Variants in PITPNM2 observed in about 807,000 individuals in gnomAD.
PITPNM2 encodes the protein membrane-associated phosphatidylinositol transfer protein 2.
PITPNM2 carries 35 observed loss-of-function variants against 132.2 expected under a neutral mutation model. The observed-to-expected ratio is 0.26, with a 90% confidence interval of 0.20 to 0.35. PITPNM2 has a LOEUF of 0.35. Among genes scored for constraint, PITPNM2 ranks in the 10% least tolerant of loss-of-function variants. The probability of loss-of-function intolerance (pLI) is 1.00; values close to 1 mark genes in which losing one functional copy is unlikely to be tolerated. For missense variants in PITPNM2, 1,332 were observed against 1,912.0 expected, an observed-to-expected ratio of 0.70 and a Z score of 5.66; for synonymous variants, 738 against 799.2, an observed-to-expected ratio of 0.92 and a Z score of 1.29.
intron 2 of PITPNM2, among the ~76,000 whole-genome samples, chr12:123,051,586 T>A (rs1409420704): frequency 1.3e-5 from 2 of 152,252 alleles, no homozygotes; most frequent in Non-Finnish European, 2.9e-5. Context: ...GTTATTTTAT[T>A]GGCTATGCTT....
intron 2 of PITPNM2, among the ~76,000 whole-genome samples, chr12:123,068,215 C>T (rs185223817): frequency 0.011 from 1,626 of 152,256 alleles, 24 homozygotes; most frequent in African/African-American, 0.037. Flanking sequence ...CGCCTGTAAT[C>T]CCAGCACTTT....
intron 2 of PITPNM2, among the ~76,000 whole-genome samples, chr12:123,068,226 G>C (rs1296218868): frequency 6.6e-6 from 1 of 151,896 alleles, no homozygotes; most frequent in Non-Finnish European, 1.5e-5. Flanking sequence ...CCAGCACTTT[G>C]GGAGGCCAAG....
chr12:123,025,418 G>C (rs1245447474), intron 3 of PITPNM2, among the ~76,000 whole-genome samples: 4 of 151,776 alleles, frequency 2.6e-5, no homozygotes, highest in Non-Finnish European at 5.9e-5. Flanking sequence ...AGAGCTCCTG[G>C]AATGTGGACC....
At chr12:123,006,282 CTTTTG>C (rs2038931725) in intron 6 of PITPNM2, among the ~76,000 whole-genome samples, 2 of 151,704 alleles carry the variant, frequency 1.3e-5, no homozygotes, top group Non-Finnish European at 2.9e-5. Flanking sequence ...TTCTCCTTTT[CTTTTG>C]TTTTTTTAAA....
intron 3 of PITPNM2, among the ~76,000 whole-genome samples, chr12:123,025,139 G>C (rs1351147558): frequency 6.6e-6 from 1 of 152,204 alleles, no homozygotes; most frequent in Non-Finnish European, 1.5e-5. Flanking sequence ...TTTAAGCCGA[G>C]CATCTGTTTC....
chr12:123,096,595 G>C (rs946802814), intron 2 of PITPNM2, among the ~76,000 whole-genome samples: 9 of 152,176 alleles, frequency 5.9e-5, no homozygotes, highest in Non-Finnish European at 1.2e-4. Flanking sequence ...AAGGTGTGAG[G>C]AAGGAGCAGA....
At chr12:123,124,026 C>T (rs552663676) in intron 1 of PITPNM2, among the ~76,000 whole-genome samples, 81 of 152,118 alleles carry the variant, frequency 5.3e-4, no homozygotes, top group Non-Finnish European at 9.0e-4. Flanking sequence ...GAGGCCGACG[C>T]GGGCAGATCA....
At chr12:123,084,236 AC>A (rs2042046960) in intron 2 of PITPNM2, 1 of 152,282 alleles carries the variant, frequency 6.6e-6, no homozygotes, top group African/African-American at 2.4e-5. Flanking sequence ...AAACAGCTGT[AC>A]CTTTAAATTA....
Position 123,004,643 on chromosome 12 carries a change from G to A in PITPNM2, c.953-154C>T, listed in dbSNP as rs1393149251. 2.9e-6 allele frequency: 2 copies of A among 685,154 alleles called. No homozygotes were observed. Among genetic ancestry groups the A allele is most frequent in the Non-Finnish European group, 5.2e-6 (2 of 384,108 alleles). 42.4% of individuals were successfully genotyped at this position (685,154 alleles called of 1,614,324 possible). A position where few individuals can be genotyped will look rare whatever the true frequency, so the allele number is the denominator to read the frequency against. On this transcript the variant is annotated intron_variant, in intron 7 of 25. Coordinates refer to ENST00000320201, the MANE Select transcript of PITPNM2 (RefSeq NM_020845.3). The surrounding 1 kb of genome is among the most constrained non-coding windows in gnomAD (Gnocchi z 4.9). ...AGGAAGGTTCCGAAGAGAATGAAGT[G>A]TGTAAATGAGTGGGGAGCGGCCTAG...
intron 2 of PITPNM2, among the ~76,000 whole-genome samples, chr12:123,074,832 A>C (rs1160601909): frequency 6.6e-6 from 1 of 152,204 alleles, no homozygotes; most frequent in East Asian, 1.9e-4. Context: ...ACCAGGGAGG[A>C]AAAGAGGGAA....
At chr12:123,013,788 T>C (rs374431108) in intron 4 of PITPNM2, 40 bp downstream of exon 4, 3 of 1,592,438 alleles carry the variant, frequency 1.9e-6, no homozygotes, top group Non-Finnish European at 2.6e-6. Flanking sequence ...CCAGATGGCA[T>C]GTGGAGGTGG....
intron 3 of PITPNM2, among the ~76,000 whole-genome samples, chr12:123,015,338 CAAAT>C (rs1466089593): frequency 6.6e-6 from 1 of 150,740 alleles, no homozygotes; most frequent in Non-Finnish European, 1.5e-5. Context: ...ATAGGATAGA[CAAAT>C]AGATCAACAG....
At chr12:123,134,539 C>G (rs148023873) in intron 1 of PITPNM2, among the ~76,000 whole-genome samples, 1,966 of 152,284 alleles carry the variant, frequency 0.013, 19 homozygotes, top group Middle Eastern at 0.051. Context: ...ACACAAATGC[C>G]TCCTTCAAAC....
At chr12:123,007,469 T>C (rs1362443275) in intron 6 of PITPNM2, 1 of 452,348 alleles carries the variant, frequency 2.2e-6, no homozygotes, top group Non-Finnish European at 4.4e-6. Flanking sequence ...CCGCCTCCCC[T>C]AGAGCATGCT....
chr12:123,004,556 G>A lies in PITPNM2; in HGVS notation c.953-67C>T. 1 of 1,512,866 alleles carries A rather than the reference G, an allele frequency of 6.6e-7. No individual in the cohort carries two copies. The highest frequency in any genetic ancestry group is 9.1e-7 in the Non-Finnish European group (1 of 1,093,742). The allele number at this position is 1,512,866 out of a possible 1,614,324, so 93.7% of individuals were successfully genotyped here. ...AGGGCCCAGAGGCTGCCCTGAGCCG[G>A]CAGGAGGCAGGGAGGGCCACCCACA... On this transcript the variant is annotated intron_variant, in intron 7 of 25. Transcript: ENST00000320201. This position sits in a 1 kb window ranked among gnomAD's most constrained non-coding sequence, Gnocchi z 4.9.
chr12:123,138,393 A>C (rs926650687), intron 1 of PITPNM2, among the ~76,000 whole-genome samples: 1 of 152,166 alleles, frequency 6.6e-6, no homozygotes, highest in African/African-American at 2.4e-5. Flanking sequence ...GGCTGCAGTA[A>C]GCTGTGTTGG....
intron 3 of PITPNM2, among the ~76,000 whole-genome samples, chr12:123,032,764 G>C (rs1001852789): frequency 1.3e-5 from 2 of 152,220 alleles, no homozygotes; most frequent in African/African-American, 4.8e-5. Context: ...GCTCAGAGAT[G>C]GGGGGCTGAT....
rs140979865 is a variant in PITPNM2 at position 123,097,332 on chromosome 12, C to A, written c.-96+13053G>T. Among the ~76,000 whole-genome samples the A allele has an allele frequency of 0.017, 2,516 of 152,210 alleles. 30 individuals carry two copies. Among genetic ancestry groups the A allele is most frequent in the Non-Finnish European group, 0.027 (1,804 of 68,004 alleles). ...TGCTGGGATTACAGGCATGAGCCAC[C>A]GCGCCCGGCCTGCCATCTCCCTTTT... is the stretch of plus-strand genomic sequence containing the variant. On this transcript the variant is annotated intron_variant, in intron 2 of 25. Transcript: ENST00000320201. The surrounding 1 kb of genome is among the most constrained non-coding windows in gnomAD (Gnocchi z 4.7).
chr12:123,106,079 C>A lies in PITPNM2; in HGVS notation c.-96+4306G>T, dbSNP rs1244569276. 6.6e-6 allele frequency among the ~76,000 whole-genome samples: 1 copy of A among 152,208 alleles called. No individual in the cohort carries two copies. Among genetic ancestry groups the A allele is most frequent in the African/African-American group, 2.4e-5 (1 of 41,452 alleles). On this transcript the variant is annotated intron_variant, in intron 2 of 25. Transcript: ENST00000320201. The surrounding 1 kb of genome is among the most constrained non-coding windows in gnomAD (Gnocchi z 4.4). Reference sequence around the variant, plus strand: ...CCTCAACAAGTGACCAAAAGCATCGCCCAGAAACAATCGTCTTGCCACAGG... The same window carrying A: ...CCTCAACAAGTGACCAAAAGCATCGACCAGAAACAATCGTCTTGCCACAGG...
Sources: allele counts gnomAD v4.1 joint callset (sites outside exome capture counted in the v4.1 genomes callset), GRCh38; gene constraint gnomAD v4.1.1; non-coding constraint Gnocchi (gnomAD v3.1); transcripts MANE v1.5; gene names NCBI Gene and HGNC (gene_info 2026-07-23, HGNC 2026-07-21).